The following ANKRD42 variants were observed in gnomAD, a reference collection of about 807,000 sequenced individuals.
The protein encoded by ANKRD42 is ankyrin repeat domain-containing protein 42.
Under a neutral mutation model 51.5 loss-of-function variants are expected in ANKRD42, and 43 were observed. The ratio of observed to expected loss-of-function variants is 0.83; its 90% CI spans 0.65 to 1.08. ANKRD42 has a LOEUF of 1.08. ANKRD42 is among the 50% of genes least tolerant of loss of function. ANKRD42 has a pLI of 0.00. For synonymous variants in ANKRD42, 203 were observed against 213.0 expected (o/e 0.95, Z 0.41); for missense variants, 608 against 629.3 (o/e 0.97, Z 0.36).
At chr11:83,220,585 G>A (rs924770344) in intron 5 of ANKRD42, among the ~76,000 whole-genome samples, 6 of 152,122 alleles carry the variant, frequency 3.9e-5, no homozygotes, top group African/African-American at 9.7e-5. Context: ...AAGCTTCCAC[G>A]GCATGGAAGG....
At chr11:83,203,394 C>CT (rs1246391612) in intron 2 of ANKRD42, among the ~76,000 whole-genome samples, 3,565 of 129,682 alleles carry the variant, frequency 0.027, 74 homozygotes, top group African/African-American at 0.062. Flanking sequence ...TTTTTTCTTT[C>CT]TTTTTTTTTT....
chr11:83,229,222 C>G (rs1260121979), intron 7 of ANKRD42, among the ~76,000 whole-genome samples: 1 of 151,866 alleles, frequency 6.6e-6, no homozygotes, highest in Non-Finnish European at 1.5e-5. Context: ...TGATGTCCTC[C>G]TCTTGTAAGT....
chr11:83,250,301 G>T (rs918618211), downstream of ANKRD42, among the ~76,000 whole-genome samples: 5 of 152,076 alleles, frequency 3.3e-5, no homozygotes, highest in African/African-American at 1.2e-4. Flanking sequence ...TAGTTTCCTA[G>T]GATAGTTTGA....
At chr11:83,225,165 C>CCT in intron 6 of ANKRD42, 110 bp downstream of exon 6, 1 of 846,052 alleles carries the variant, frequency 1.2e-6, no homozygotes, top group Admixed American at 3.4e-5. Context: ...ATGTTATATA[C>CCT]GTTATATGTA....
At chr11:83,200,741 T>C (rs1241215014) in intron 2 of ANKRD42, among the ~76,000 whole-genome samples, 2 of 152,218 alleles carry the variant, frequency 1.3e-5, no homozygotes, top group Non-Finnish European at 2.9e-5. Flanking sequence ...ATATACTATA[T>C]ACAAAGCTAT....
intron 9 of ANKRD42, among the ~76,000 whole-genome samples, chr11:83,244,757 T>C (rs951185783): frequency 6.6e-6 from 1 of 152,230 alleles, no homozygotes; most frequent in Admixed American, 6.5e-5. Flanking sequence ...TTCCTTCTCT[T>C]ACTATTCTCT....
At chr11:83,261,734 A>G (rs1204266854), downstream of ANKRD42, 4 of 494,624 alleles carry the variant, frequency 8.1e-6, no homozygotes. Context: ...GCACTCACAC[A>G]CACACAATAA....
At chr11:83,222,016 G>T (rs1862732341) in intron 5 of ANKRD42, among the ~76,000 whole-genome samples, 1 of 152,204 alleles carries the variant, frequency 6.6e-6, no homozygotes, top group East Asian at 1.9e-4. Flanking sequence ...TATAAAAACT[G>T]TGAGTTGGGA....
downstream of ANKRD42, among the ~76,000 whole-genome samples, chr11:83,253,030 C>T (rs914514745): frequency 5.9e-5 from 9 of 152,078 alleles, no homozygotes; most frequent in Admixed American, 2.6e-4. Context: ...AGTGACTGAC[C>T]GGGAACCGGT....
chr11:83,242,880 T>G (rs1408911417), intron 9 of ANKRD42, among the ~76,000 whole-genome samples: 2 of 152,146 alleles, frequency 1.3e-5, no homozygotes, highest in Non-Finnish European at 2.9e-5. Flanking sequence ...GTTTTCTTTA[T>G]CCGGTCTTCT....
intron 3 of ANKRD42, 141 bp downstream of exon 3, chr11:83,206,306 T>G (rs577438581): frequency 6.1e-6 from 4 of 652,678 alleles, no homozygotes; most frequent in Non-Finnish European, 1.0e-5. Flanking sequence ...AACTCAGATA[T>G]TCTGATACCA....
At chr11:83,257,437 G>A (rs1047535983), downstream of ANKRD42, 18 of 395,514 alleles carry the variant, frequency 4.6e-5, no homozygotes, top group African/African-American at 3.6e-4. Context: ...TGAACTGAAA[G>A]CCATAGTTGT....
chr11:83,213,323 C>G lies in ANKRD42; in HGVS notation c.586+1893C>G. 1.9e-6 allele frequency: 3 copies of G among 1,585,102 alleles called. No individual in the cohort carries two copies. In the Admixed American group the frequency reaches 5.0e-5, roughly 27 times the overall value. ...GATGTTTCCTCCAAGAACTGCAAAG[C>G]CATCGTGGAAAGAGCTGCCCAGCTG... On this transcript the variant is annotated intron_variant, in intron 5 of 10. Coordinates refer to ENST00000533342, the MANE Select transcript of ANKRD42 (RefSeq NM_001300975.2).
chr11:83,204,431 G>A (rs953556711), intron 2 of ANKRD42, among the ~76,000 whole-genome samples: 1 of 152,056 alleles, frequency 6.6e-6, no homozygotes, highest in East Asian at 1.9e-4. Context: ...CCTAAATATT[G>A]GGTACACATG....
At position 83,210,303 on chromosome 11, in the gene ANKRD42, C is replaced by G. The variant is rs1392500962; in HGVS notation, c.334C>G (p.Leu112Val). The G allele has an allele frequency of 6.2e-7, 1 of 1,613,332 alleles. No homozygotes were observed. Among genetic ancestry groups the G allele is most frequent in the Non-Finnish European group, 8.5e-7 (1 of 1,179,514 alleles). ...IRGQDACVQA[L>V]IMNGANLTAQ... is the part of the protein sequence containing the mutation. ...TTTCCTATTTCTCTATTTTTAGGCT[C>G]TTATAATGAATGGAGCAAATCTGAC... The change falls in exon 4 of 11, where the codon CTT becomes GTT. Residue 112 changes from leucine (L) to valine (V), a missense_variant. Coordinates refer to ENST00000533342, the MANE Select transcript of ANKRD42 (RefSeq NM_001300975.2).
At chr11:83,242,776 G>T (rs2135553181) in intron 9 of ANKRD42, among the ~76,000 whole-genome samples, 1 of 152,038 alleles carries the variant, frequency 6.6e-6, no homozygotes, top group Non-Finnish European at 1.5e-5. Context: ...TGTTGATCAG[G>T]CTGGTCTTGA....
intron 7 of ANKRD42, among the ~76,000 whole-genome samples, chr11:83,233,213 G>T (rs11233534): frequency 0.062 from 8,276 of 134,382 alleles, 486 homozygotes; most frequent in African/African-American, 0.16. Flanking sequence ...CGGGTCTGGG[G>T]TTTTTTTTTT....
intron 8 of ANKRD42, among the ~76,000 whole-genome samples, chr11:83,238,818 G>A (rs897003043): frequency 6.7e-6 from 1 of 150,140 alleles, no homozygotes; most frequent in Non-Finnish European, 1.5e-5. Context: ...CAACAAGAGC[G>A]AAACTCTGTC....
At chr11:83,222,473 T>C (rs1862745306) in intron 5 of ANKRD42, among the ~76,000 whole-genome samples, 1 of 151,988 alleles carries the variant, frequency 6.6e-6, no homozygotes, top group Non-Finnish European at 1.5e-5. Context: ...AAATGTAAAG[T>C]AGGAAAGGAG....
Sources: allele counts gnomAD v4.1 joint callset (sites outside exome capture counted in the v4.1 genomes callset), GRCh38; gene constraint gnomAD v4.1.1; transcripts MANE v1.5; gene names NCBI Gene and HGNC (gene_info 2026-07-23, HGNC 2026-07-21).